Variants in VAMP4 observed in about 807,000 individuals in gnomAD.
The protein encoded by VAMP4 is vesicle associated membrane protein 4.
Under a neutral mutation model 23.5 loss-of-function variants are expected in VAMP4, and 19 were observed. The ratio of observed to expected loss-of-function variants is 0.81; its 90% CI spans 0.56 to 1.19. The LOEUF (loss-of-function observed/expected upper bound fraction) is 1.19. VAMP4 is among the 50% of genes most tolerant of loss of function. VAMP4 has a pLI of 0.00. For missense variants in VAMP4, 145 were observed against 168.6 expected (o/e 0.86, Z 0.78); for synonymous variants, 31 against 51.0 (o/e 0.61, Z 1.67).
At position 171,728,516 on chromosome 1, in the gene VAMP4, A is replaced by T. The variant is rs1572251913; in HGVS notation, c.113+8T>A. 1 of 1,529,364 alleles carries T rather than the reference A, an allele frequency of 6.5e-7. No individual in the cohort carries two copies. The highest frequency in any genetic ancestry group is 1.8e-4 in the Middle Eastern group (1 of 5,434). The allele number at this position is 1,529,364 out of a possible 1,614,324, so 94.7% of individuals were successfully genotyped here. On this transcript the variant is annotated splice_region_variant and intron_variant, in intron 3 of 7. Coordinates refer to ENST00000236192, the MANE Select transcript of VAMP4 (RefSeq NM_003762.5). ...TACACCCTAATAAAGCTGTAAAAAA[A>T]AACTTACAGAAAAAAGTCCTCTTCT... is the stretch of plus-strand genomic sequence containing the variant.
chr1:171,721,527 A>T (rs1056177047), intron 3 of VAMP4, among the ~76,000 whole-genome samples: 1 of 152,190 alleles, frequency 6.6e-6, no homozygotes, highest in African/African-American at 2.4e-5. Context: ...ATTTTGAAAC[A>T]CCATCTGAAA....
intron 2 of VAMP4, 45 bp downstream of exon 2, chr1:171,738,304 A>G (rs1572258117): frequency 6.2e-7 from 1 of 1,603,772 alleles, no homozygotes; most frequent in Non-Finnish European, 8.5e-7. Flanking sequence ...GAATGAAAAC[A>G]TATTTTGAAT....
intron 3 of VAMP4, among the ~76,000 whole-genome samples, chr1:171,726,074 C>T (rs940434809): frequency 5.3e-5 from 8 of 150,536 alleles, no homozygotes; most frequent in Admixed American, 1.3e-4. Flanking sequence ...TTGGGGGGGG[C>T]GAAGTATCAC....
chr1:171,715,026 G>A (rs1654982611), intron 4 of VAMP4, among the ~76,000 whole-genome samples: 1 of 152,122 alleles, frequency 6.6e-6, no homozygotes, highest in African/African-American at 2.4e-5. Flanking sequence ...AGTAAAAGAG[G>A]CAGTGGATGG....
At chr1:171,728,173 T>C (rs1378461384) in intron 3 of VAMP4, among the ~76,000 whole-genome samples, 2 of 152,238 alleles carry the variant, frequency 1.3e-5, no homozygotes, top group East Asian at 3.8e-4. Context: ...AACCTCACAT[T>C]GCCCCGCTTT....
At chr1:171,730,560 A>C (rs979722850) in intron 2 of VAMP4, among the ~76,000 whole-genome samples, 6 of 152,266 alleles carry the variant, frequency 3.9e-5, no homozygotes, top group Admixed American at 3.9e-4. Flanking sequence ...AGTGGAATGG[A>C]GGAAGGGGGA....
intron 2 of VAMP4, among the ~76,000 whole-genome samples, chr1:171,734,511 C>A (rs113437696): frequency 0.01 from 1,546 of 152,106 alleles, 32 homozygotes; most frequent in African/African-American, 0.036. Flanking sequence ...ATGAAAATAT[C>A]CTAAAATTGA....
intron 3 of VAMP4, among the ~76,000 whole-genome samples, chr1:171,725,530 T>C (rs1407155753): frequency 3.9e-5 from 6 of 152,122 alleles, no homozygotes; most frequent in Middle Eastern, 3.2e-3. Context: ...ACAAGTAGCA[T>C]TGTAGGCAAT....
chr1:171,727,866 T>A (rs1655424697), intron 3 of VAMP4, among the ~76,000 whole-genome samples: 1 of 152,186 alleles, frequency 6.6e-6, no homozygotes, highest in South Asian at 2.1e-4. Context: ...TTATAAAAAA[T>A]TTTAGAAATA....
chr1:171,725,525 TA>T (rs1338993123), intron 3 of VAMP4, among the ~76,000 whole-genome samples: 1 of 152,162 alleles, frequency 6.6e-6, no homozygotes, highest in African/African-American at 2.4e-5. Flanking sequence ...TCACCACAAG[TA>T]GCATTGTAGG....
chr1:171,716,806 A>G (rs1172733930), intron 4 of VAMP4, among the ~76,000 whole-genome samples: 2 of 152,188 alleles, frequency 1.3e-5, no homozygotes, highest in African/African-American at 4.8e-5. Context: ...GTGCTCCTCC[A>G]TCTTGGGCAC....
chr1:171,726,021 T>C (rs1480535115), intron 3 of VAMP4, among the ~76,000 whole-genome samples: 2 of 151,422 alleles, frequency 1.3e-5, no homozygotes, highest in Admixed American at 1.3e-4. Context: ...ATGTTTTCAC[T>C]TGGAAAAAAA....
rs183749215 is a variant in VAMP4 at position 171,731,168 on chromosome 1, C to T, written c.67-2598G>A. Among the ~76,000 whole-genome samples, 362 of 131,244 alleles carry T rather than the reference C, an allele frequency of 2.8e-3. 2 individuals carry two copies. The highest frequency in any genetic ancestry group is 4.4e-3 in the Non-Finnish European group (268 of 61,494). 86.1% of individuals were successfully genotyped at this position (131,244 alleles called of 152,430 possible). A position where few individuals can be genotyped will look rare whatever the true frequency, so the allele number is the denominator to read the frequency against. ...CTAAGTACTAAGCAGCGGTTTTGAA[C>T]AAAACAAATCTGAGCTCTCACAGAA... On this transcript the variant is annotated intron_variant, in intron 2 of 7. Coordinates refer to ENST00000236192, the MANE Select transcript of VAMP4 (RefSeq NM_003762.5).
chr1:171,738,999 T>A (rs1277176153), intron 1 of VAMP4, among the ~76,000 whole-genome samples: 1 of 152,250 alleles, frequency 6.6e-6, no homozygotes, highest in Non-Finnish European at 1.5e-5. Context: ...TGGTAAGTAC[T>A]GGTGTGATAT....
At chr1:171,716,024 C>T (rs1232227009) in intron 4 of VAMP4, among the ~76,000 whole-genome samples, 1 of 152,058 alleles carries the variant, frequency 6.6e-6, no homozygotes, top group African/African-American at 2.4e-5. Context: ...AGCAAAAATC[C>T]CTGAAAGAAA....
intron 6 of VAMP4, 50 bp downstream of exon 6, chr1:171,709,615 T>A (rs1034598236): frequency 6.4e-7 from 1 of 1,564,266 alleles, no homozygotes; most frequent in Non-Finnish European, 8.8e-7. Context: ...TGTGTTTGAA[T>A]ACCACTTCAG....
chr1:171,725,180 T>C (rs1655325754), intron 3 of VAMP4, among the ~76,000 whole-genome samples: 1 of 152,234 alleles, frequency 6.6e-6, no homozygotes, highest in Non-Finnish European at 1.5e-5. Context: ...TCATGCAATA[T>C]TTTTCCTTTT....
rs1654433450 is a variant in VAMP4 at position 171,701,535 on chromosome 1, C to T, written c.*2971G>A. On this transcript the variant is annotated 3_prime_UTR_variant, in exon 8 of 8. Coordinates refer to ENST00000236192, the MANE Select transcript of VAMP4 (RefSeq NM_003762.5). ...CATATTATCATTTACAGGATAGTCA[C>T]ATACTATACAGAATTGAAAGATGCC... The T allele has an allele frequency of 6.6e-6, 1 of 152,140 alleles. No homozygotes were observed. The highest frequency in any genetic ancestry group is 1.5e-5 in the Non-Finnish European group (1 of 68,016). The allele number at this position is 152,140 out of a possible 1,614,324, so 9.4% of individuals were successfully genotyped here. A position where few individuals can be genotyped will look rare whatever the true frequency, so the allele number is the denominator to read the frequency against.
chr1:171,725,808 A>C (rs1029645232), intron 3 of VAMP4, among the ~76,000 whole-genome samples: 1 of 151,574 alleles, frequency 6.6e-6, no homozygotes, highest in African/African-American at 2.4e-5. Flanking sequence ...CTCCTGCCTT[A>C]ACCCCCTGAG....
Sources: allele counts gnomAD v4.1 joint callset (sites outside exome capture counted in the v4.1 genomes callset), GRCh38; gene constraint gnomAD v4.1.1; transcripts MANE v1.5; gene names NCBI Gene and HGNC (gene_info 2026-07-23, HGNC 2026-07-21).